The following SLC27A1 variants were observed in gnomAD, a reference collection of about 807,000 sequenced individuals.
The protein encoded by SLC27A1 is long-chain fatty acid transport protein 1.
Under a neutral mutation model 62.2 loss-of-function variants are expected in SLC27A1, and 61 were observed. The ratio of observed to expected loss-of-function variants is 0.98; its 90% confidence interval spans 0.80 to 1.21. The LOEUF is 1.21. Among genes scored for constraint, SLC27A1 ranks in the 50% most tolerant of loss-of-function variants. SLC27A1 has a pLI of 0.00. For synonymous variants in SLC27A1, 435 were observed against 408.6 expected (o/e 1.06, Z -0.78); for missense variants, 903 against 932.1 (o/e 0.97, Z 0.41).
chr19:17,494,472 T>A (rs1356090775), intron 6 of SLC27A1, among the ~76,000 whole-genome samples: 3 of 151,656 alleles, frequency 2.0e-5, no homozygotes, highest in Non-Finnish European at 4.4e-5. Context: ...GGATTACAGG[T>A]GTGTGCCACC....
rs555948105 is a variant in SLC27A1 at position 17,500,828 on chromosome 19, C to T, written c.1588C>T (p.Arg530Cys). 3.5e-4 allele frequency: 569 copies of T among 1,611,028 alleles called. 4 individuals are homozygous for T. The South Asian group carries it at 4.5e-3, about 13-fold the overall frequency. The part of the protein sequence containing the change: ...STTEVEGVLS[R>C]LLGQTDVAVY... ...CACCGAGGTGGAGGGCGTGCTGAGC[C>T]GCCTGCTGGGCCAGACAGACGTGGC... The change falls in exon 10 of 12, where the codon CGC becomes TGC. Residue 530 changes from arginine (R) to cysteine (C), a missense_variant. By Grantham distance (180) the Arg-to-Cys change is radical. Transcript: ENST00000252595.
Position 17,470,655 on chromosome 19 carries a change from G to A in SLC27A1, c.115G>A (p.Gly39Ser). 4 of 1,577,958 alleles carry A rather than the reference G, an allele frequency of 2.5e-6. No homozygotes were observed. The highest frequency in any genetic ancestry group is 3.4e-6 in the Non-Finnish European group (4 of 1,168,906). Reference sequence around the variant, plus strand: ...GGCGCTCGGCGTGTACGTGGGCAGCGGCGGCTGGCGCTTCCTGCGCATCGT... The same window carrying A: ...GGCGCTCGGCGTGTACGTGGGCAGCAGCGGCTGGCGCTTCCTGCGCATCGT... ...AAALGVYVGS[G>S]GWRFLRIVCK... is the part of the protein sequence containing the mutation. The change falls in exon 1 of 12, where the codon GGC (glycine) becomes AGC (serine). Residue 39 changes from glycine (G) to serine (S), a missense_variant. Coordinates refer to ENST00000252595, the MANE Select transcript of SLC27A1 (RefSeq NM_198580.3).
intron 7 of SLC27A1, chr19:17,499,020 G>A (rs942397642): frequency 1.3e-5 from 2 of 155,228 alleles, no homozygotes; most frequent in Non-Finnish European, 2.9e-5. Context: ...AGCATCACAG[G>A]GAGACGGTTA....
chr19:17,499,424 AATC>A (rs1354324841), intron 7 of SLC27A1: 1 of 152,202 alleles, frequency 6.6e-6, no homozygotes, highest in Non-Finnish European at 1.5e-5. Context: ...ATTCATATAT[AATC>A]ATGTCTATGA....
In SLC27A1 at chr19:17,487,451, C is replaced by T. The variant is rs779501025; in HGVS notation, c.725-9C>T. On this transcript the variant is annotated splice_polypyrimidine_tract_variant and intron_variant, in intron 3 of 11. Coordinates refer to ENST00000252595, the MANE Select transcript of SLC27A1 (RefSeq NM_198580.3). Reference sequence around the variant, plus strand: ...CAGGCCCCACCCCTAACACCTGTATCTCCTGCAGATCGTCTTTTCTACATC... The same window carrying T: ...CAGGCCCCACCCCTAACACCTGTATTTCCTGCAGATCGTCTTTTCTACATC... 7.8e-6 allele frequency: 12 copies of T among 1,532,942 alleles called. No individual in the cohort carries two copies. The highest frequency in any genetic ancestry group is 8.8e-6 in the Non-Finnish European group (10 of 1,137,000). The allele number at this position is 1,532,942 out of a possible 1,614,324, so 95.0% of individuals were successfully genotyped here. A position where few individuals can be genotyped will look rare whatever the true frequency, so the allele number is the denominator to read the frequency against.
chr19:17,491,624 C>G (rs2075294605), intron 6 of SLC27A1, among the ~76,000 whole-genome samples: 1 of 152,204 alleles, frequency 6.6e-6, no homozygotes, highest in African/African-American at 2.4e-5. Flanking sequence ...GTAATCCCAG[C>G]ACTTTGGGAA....
At chr19:17,500,035 A>C in intron 7 of SLC27A1, 1 of 569,168 alleles carries the variant, frequency 1.8e-6, no homozygotes. Flanking sequence ...GGTTTTGTGG[A>C]TCAGGAAGTG....
chr19:17,504,726 C>T lies in SLC27A1; in HGVS notation c.*114C>T. 1 of 1,352,886 alleles carries T rather than the reference C, an allele frequency of 7.4e-7. No homozygotes were observed. The highest frequency in any genetic ancestry group is 1.0e-6 in the Non-Finnish European group (1 of 971,310). 83.8% of individuals were successfully genotyped at this position (1,352,886 alleles called of 1,614,324 possible). On this transcript the variant is annotated 3_prime_UTR_variant, in exon 12 of 12. Coordinates refer to ENST00000252595, the MANE Select transcript of SLC27A1 (RefSeq NM_198580.3). ...ACACACCCACCTGGCCGAGCTGTAC[C>T]TGGCACGGCCCATCCTGGACTGAGA...
At chr19:17,476,503 A>T (rs1010671875) in intron 1 of SLC27A1, among the ~76,000 whole-genome samples, 1 of 143,914 alleles carries the variant, frequency 6.9e-6, no homozygotes, top group Non-Finnish European at 1.5e-5. Context: ...GCACCACTGC[A>T]CTCCAGCCTG....
At chr19:17,498,992 G>C (rs986424118) in intron 7 of SLC27A1, 9 of 154,038 alleles carry the variant, frequency 5.8e-5, no homozygotes, top group African/African-American at 2.2e-4. Flanking sequence ...CGGACTAGGA[G>C]CATGACCACT....
chr19:17,483,040 G>GGGAATGAATGAATGAGGGAATGAGTGAA (rs2075195326), intron 1 of SLC27A1, among the ~76,000 whole-genome samples: 1 of 151,846 alleles, frequency 6.6e-6, no homozygotes, highest in Admixed American at 6.6e-5. Context: ...GAGTGAAGGA[G>GGGAATGAATGAATGAGGGAATGAGTGAA]GGAATGAATG....
At chr19:17,477,403 G>A (rs2075135288) in intron 1 of SLC27A1, among the ~76,000 whole-genome samples, 1 of 149,632 alleles carries the variant, frequency 6.7e-6, no homozygotes, top group African/African-American at 2.5e-5. Context: ...CACCATGCCT[G>A]GCTACTTTTT....
At position 17,486,887 on chromosome 19, in the gene SLC27A1, C is replaced by T. The variant is rs775292325; in HGVS notation, c.492C>T (p.Arg164=). 1.3e-6 allele frequency: 2 copies of T among 1,586,832 alleles called. No homozygotes were observed. Among genetic ancestry groups the T allele is most frequent in the South Asian group, 1.1e-5 (1 of 89,306 alleles). Reference sequence around the variant, plus strand: ...CGCTGCTCAACGTGAACCTGCGGCGCGAGCCCCTGGCCTTCTGCCTGGGCA... The same window carrying T: ...CGCTGCTCAACGTGAACCTGCGGCGTGAGCCCCTGGCCTTCTGCCTGGGCA... ...EAALLNVNLR[R]EPLAFCLGTS... is the part of the protein sequence containing the mutation. Residue 164 remains arginine, a synonymous_variant, in exon 2 of 12, where the codon CGC becomes CGT. Transcript: ENST00000252595. This position sits in a 1 kb window ranked among gnomAD's most constrained non-coding sequence, Gnocchi z 6.6.
At chr19:17,470,342 A>T, upstream of SLC27A1, 1 of 590,572 alleles carries the variant, frequency 1.7e-6, no homozygotes. Context: ...GAAAGGGGCG[A>T]TGCCTGGCCT....
At position 17,504,915 on chromosome 19, in the gene SLC27A1, T is replaced by C. The variant is rs10418172; in HGVS notation, c.*303T>C. The C allele has an allele frequency of 0.14, 71,970 of 514,230 alleles. 10,037 individuals are homozygous for C. Among genetic ancestry groups the C allele is most frequent in the African/African-American group, 0.52 (26,768 of 51,524 alleles). 31.9% of individuals were successfully genotyped at this position (514,230 alleles called of 1,614,324 possible). ...TTCTTTCTTTCTTTTTTTTTTAAGA[T>C]AGAGTCTCACTCTGCTGCCCGGGCT... On this transcript the variant is annotated 3_prime_UTR_variant, in exon 12 of 12. Transcript: ENST00000252595.
chr19:17,502,648 C>T (rs1207571371), intron 11 of SLC27A1, among the ~76,000 whole-genome samples: 1 of 151,918 alleles, frequency 6.6e-6, no homozygotes, highest in Non-Finnish European at 1.5e-5. Context: ...GCCACTGCAC[C>T]CGGCCTCGGT....
intron 6 of SLC27A1, among the ~76,000 whole-genome samples, chr19:17,491,883 A>G (rs2075297381): frequency 6.6e-6 from 1 of 152,078 alleles, no homozygotes; most frequent in African/African-American, 2.4e-5. Context: ...CAAAAAAATA[A>G]AAAAAAGAAA....
chr19:17,480,747 T>C (rs541562966), intron 1 of SLC27A1, among the ~76,000 whole-genome samples: 3 of 152,088 alleles, frequency 2.0e-5, no homozygotes, highest in African/African-American at 7.2e-5. Flanking sequence ...GTATATTGTA[T>C]GATGCTGAGG....
rs778407793 is a variant in SLC27A1, at chr19:17,487,518, C to T, written c.783C>T (p.Val261=). 6 of 1,611,450 alleles carry T rather than the reference C, an allele frequency of 3.7e-6. No homozygotes were observed. The highest frequency in any genetic ancestry group is 5.1e-6 in the Non-Finnish European group (6 of 1,179,826). The change falls in exon 4 of 12, where the codon GTC becomes GTT. Residue 261 remains valine (V), a synonymous_variant. Coordinates refer to ENST00000252595, the MANE Select transcript of SLC27A1 (RefSeq NM_198580.3). Reference sequence around the variant, plus strand: ...CCGGGCTGCCCAAGGCTGCCATTGTCGTGCACAGCAGGTGAGGGGCCCACA... The same window carrying T: ...CCGGGCTGCCCAAGGCTGCCATTGTTGTGCACAGCAGGTGAGGGGCCCACA... ...GTTGLPKAAI[V]VHSRYYRMAA... is the part of the protein sequence containing the mutation.
Sources: allele counts gnomAD v4.1 joint callset (sites outside exome capture counted in the v4.1 genomes callset), GRCh38; gene constraint gnomAD v4.1.1; non-coding constraint Gnocchi (gnomAD v3.1); transcripts MANE v1.5; gene names NCBI Gene and HGNC (gene_info 2026-07-23, HGNC 2026-07-21).